The following CSMD1 variants were observed in gnomAD, a reference collection of about 807,000 sequenced individuals.
The protein encoded by CSMD1 is CUB and Sushi multiple domains 1.
A neutral mutation model predicts 417.5 loss-of-function variants in CSMD1; 213 were observed. The observed-to-expected ratio is 0.51, with a 90% confidence interval of 0.46 to 0.57. CSMD1 has a LOEUF of 0.57. Among genes scored for constraint, CSMD1 ranks in the 20% least tolerant of loss-of-function variants. CSMD1 has a pLI of 0.00. For synonymous variants in CSMD1, 2,862 were observed against 1,736.8 expected (o/e 1.65, Z -16.11); for missense variants, 6,923 against 4,529.7 (o/e 1.53, Z -15.17).
intron 12 of CSMD1, among the ~76,000 whole-genome samples, chr8:3,441,580 G>C (rs1444349756): frequency 1.3e-5 from 2 of 150,796 alleles, no homozygotes; most frequent in Admixed American, 1.3e-4. Context: ...GTATACAATG[G>C]TCCCATAAGA....
At chr8:3,345,876 T>C (rs1482862786) in intron 22 of CSMD1, among the ~76,000 whole-genome samples, 3 of 152,228 alleles carry the variant, frequency 2.0e-5, no homozygotes, top group African/African-American at 7.2e-5. Context: ...CCAAAATTAA[T>C]TGCGTTTTCC....
At chr8:3,361,337 T>C (rs1366404670) in intron 20 of CSMD1, among the ~76,000 whole-genome samples, 6 of 152,072 alleles carry the variant, frequency 3.9e-5, no homozygotes, top group South Asian at 4.1e-4. Context: ...TCTTTAAAAA[T>C]AGTTGAAAAC....
intron 5 of CSMD1, among the ~76,000 whole-genome samples, chr8:3,956,131 A>T (rs975747620): frequency 1.3e-5 from 2 of 152,118 alleles, no homozygotes; most frequent in East Asian, 1.9e-4. Context: ...TTCTGACCAG[A>T]TCCTGGACCA....
chr8:3,832,563 T>A (rs934641454), intron 5 of CSMD1, among the ~76,000 whole-genome samples: 1 of 152,164 alleles, frequency 6.6e-6, no homozygotes, highest in Non-Finnish European at 1.5e-5. Context: ...AGCAAAATCA[T>A]TTCAAGACGT....
chr8:3,114,982 T>G (rs1179011697), intron 42 of CSMD1, among the ~76,000 whole-genome samples: 1 of 152,194 alleles, frequency 6.6e-6, no homozygotes, highest in East Asian at 1.9e-4. Flanking sequence ...TGCATTTAAG[T>G]CAAGTTTATT....
intron 5 of CSMD1, among the ~76,000 whole-genome samples, chr8:3,764,344 CT>C (rs1798157603): frequency 6.6e-6 from 1 of 152,182 alleles, no homozygotes; most frequent in Non-Finnish European, 1.5e-5. Flanking sequence ...CTCCCTGCCC[CT>C]CTCTGCTCTA....
intron 1 of CSMD1, among the ~76,000 whole-genome samples, chr8:4,987,438 C>G (rs909318615): frequency 1.3e-5 from 2 of 152,080 alleles, no homozygotes; most frequent in African/African-American, 4.8e-5. Flanking sequence ...TTAATTCCAT[C>G]GGGGTTCATG....
chr8:4,137,989 C>G (rs1042417244), intron 3 of CSMD1, among the ~76,000 whole-genome samples: 1 of 149,520 alleles, frequency 6.7e-6, no homozygotes, highest in African/African-American at 2.4e-5. Context: ...GCCATTCTCC[C>G]GCCTCAGCCT....
chr8:4,118,178 A>C (rs1802270725), intron 3 of CSMD1, among the ~76,000 whole-genome samples: 1 of 152,122 alleles, frequency 6.6e-6, no homozygotes, highest in Admixed American at 6.5e-5. Context: ...GTGTTGGTAC[A>C]TTTATGCTGG....
intron 6 of CSMD1, among the ~76,000 whole-genome samples, chr8:3,747,263 A>G (rs1348255833): frequency 6.6e-5 from 10 of 152,178 alleles, no homozygotes; most frequent in Non-Finnish European, 1.2e-4. Flanking sequence ...CTGCCATCCA[A>G]TAACCCCATG....
intron 6 of CSMD1, among the ~76,000 whole-genome samples, chr8:3,724,369 T>C (rs1331589295): frequency 6.6e-6 from 1 of 152,174 alleles, no homozygotes; most frequent in East Asian, 1.9e-4. Context: ...AATATACTTA[T>C]TTTCATAAAT....
intron 8 of CSMD1, among the ~76,000 whole-genome samples, chr8:3,602,010 T>C (rs942217131): frequency 1.9e-4 from 29 of 152,134 alleles, no homozygotes; most frequent in African/African-American, 6.5e-4. Flanking sequence ...TGGGAAGTTA[T>C]GGCTTTATGG....
chr8:4,827,185 A>G (rs532374534), intron 1 of CSMD1, among the ~76,000 whole-genome samples: 8 of 152,316 alleles, frequency 5.3e-5, no homozygotes, highest in African/African-American at 1.9e-4. Context: ...TTGCCATGCA[A>G]TATAACTGAA....
chr8:4,148,006 T>G (rs1585421148), intron 3 of CSMD1, among the ~76,000 whole-genome samples: 1 of 151,994 alleles, frequency 6.6e-6, no homozygotes, highest in African/African-American at 2.4e-5. Flanking sequence ...AAACCACGGG[T>G]TCCATGATTG....
chr8:3,837,774 G>C (rs761417562), intron 5 of CSMD1, among the ~76,000 whole-genome samples: 2 of 151,300 alleles, frequency 1.3e-5, no homozygotes, highest in Non-Finnish European at 3.0e-5. Flanking sequence ...TTCCATCTTT[G>C]TTTTCTCAGA....
chr8:3,740,820 G>T (rs1796763431), intron 6 of CSMD1, among the ~76,000 whole-genome samples: 1 of 152,186 alleles, frequency 6.6e-6, no homozygotes, highest in African/African-American at 2.4e-5. Flanking sequence ...GGGAGGCTAT[G>T]CAGGCAACAG....
chr8:4,040,000 C>T (rs911166291), intron 3 of CSMD1, among the ~76,000 whole-genome samples: 5 of 152,128 alleles, frequency 3.3e-5, no homozygotes, highest in South Asian at 2.1e-4. Flanking sequence ...AGGTTAAGTG[C>T]CCCATACATG....
intron 3 of CSMD1, among the ~76,000 whole-genome samples, chr8:4,218,653 G>C (rs1244434388): frequency 6.6e-6 from 1 of 152,132 alleles, no homozygotes. Flanking sequence ...TTCAGTATTA[G>C]TGGGACAGTG....
At chr8:4,842,582 A>G (rs1229018244) in intron 1 of CSMD1, among the ~76,000 whole-genome samples, 1 of 152,228 alleles carries the variant, frequency 6.6e-6, no homozygotes, top group Non-Finnish European at 1.5e-5. Context: ...AGCATAGGGC[A>G]CATGTATCCC....
Sources: allele counts gnomAD v4.1 joint callset (sites outside exome capture counted in the v4.1 genomes callset), GRCh38; gene constraint gnomAD v4.1.1; transcripts MANE v1.5; gene names NCBI Gene and HGNC (gene_info 2026-07-23, HGNC 2026-07-21).